TNIK: variants seen among roughly 807,000 people sequenced by gnomAD.
The protein encoded by TNIK is TRAF2 and NCK interacting kinase.
A neutral mutation model predicts 191.3 loss-of-function variants in TNIK; 49 were observed. The observed-to-expected ratio is 0.26, with a 90% confidence interval of 0.20 to 0.32. The LOEUF (loss-of-function observed/expected upper bound fraction) is 0.32. Among genes scored for constraint, TNIK ranks in the 10% least tolerant of loss-of-function variants. TNIK has a pLI of 1.00. For missense variants in TNIK, 1,155 were observed against 1,702.3 expected, an observed-to-expected ratio of 0.68 and a Z score of 5.66; for synonymous variants, 594 against 600.9, an observed-to-expected ratio of 0.99 and a Z score of 0.17.
At chr3:171,224,509 G>C (rs925558492) in intron 3 of TNIK, among the ~76,000 whole-genome samples, 2 of 151,844 alleles carry the variant, frequency 1.3e-5, no homozygotes, top group East Asian at 1.9e-4. Flanking sequence ...CTTCACACTT[G>C]GTGGCCAGAA....
At chr3:171,327,250 A>G (rs1361580711) in intron 2 of TNIK, among the ~76,000 whole-genome samples, 1 of 152,214 alleles carries the variant, frequency 6.6e-6, no homozygotes, top group Non-Finnish European at 1.5e-5. Context: ...AGTATCAGGC[A>G]GACTCAAGTG....
At chr3:171,243,601 A>G (rs1005398136) in intron 2 of TNIK, among the ~76,000 whole-genome samples, 1 of 152,208 alleles carries the variant, frequency 6.6e-6, no homozygotes, top group Non-Finnish European at 1.5e-5. Flanking sequence ...GCTATTATAT[A>G]TAAAGCACTG....
chr3:171,225,455 A>T (rs1371520698), intron 3 of TNIK: 3 of 391,892 alleles, frequency 7.7e-6, no homozygotes, highest in Non-Finnish European at 1.5e-5. Flanking sequence ...GAGTTCCCCA[A>T]GAGAATTAAG....
intron 2 of TNIK, among the ~76,000 whole-genome samples, chr3:171,275,138 A>G (rs763558914): frequency 1.9e-4 from 29 of 152,168 alleles, no homozygotes; most frequent in Non-Finnish European, 3.7e-4. Flanking sequence ...CACACATACA[A>G]AAAGAAATTT....
At chr3:171,432,445 T>C (rs1577917254) in intron 1 of TNIK, among the ~76,000 whole-genome samples, 1 of 152,180 alleles carries the variant, frequency 6.6e-6, no homozygotes, top group East Asian at 1.9e-4. Context: ...AAAACTACAG[T>C]GAGTACTAAG....
At chr3:171,384,976 G>C (rs1388726643) in intron 1 of TNIK, among the ~76,000 whole-genome samples, 1 of 152,188 alleles carries the variant, frequency 6.6e-6, no homozygotes, top group Non-Finnish European at 1.5e-5. Flanking sequence ...TAAAGAGAAT[G>C]AAGGAATTTT....
chr3:171,376,730 C>CAGATAGATAGATAGATGATAGAT (rs1717272862), intron 1 of TNIK, among the ~76,000 whole-genome samples: 16 of 146,682 alleles, frequency 1.1e-4, no homozygotes, highest in African/African-American at 4.2e-4. Context: ...TAAATATATA[C>CAGATAGATAGATAGATGATAGAT]AGATAGATAG....
At chr3:171,239,024 A>T (rs1204163170) in intron 2 of TNIK, among the ~76,000 whole-genome samples, 1 of 152,242 alleles carries the variant, frequency 6.6e-6, no homozygotes. Flanking sequence ...CTAATGAAGT[A>T]TTATTAGGAC....
chr3:171,076,733 A>G (rs61791145), intron 28 of TNIK, among the ~76,000 whole-genome samples: 16,134 of 152,146 alleles, frequency 0.11, 954 homozygotes, highest in Middle Eastern at 0.16. Context: ...TTCCTGCTCC[A>G]TAAAAACAAC....
chr3:171,168,151 C>T (rs549125436), intron 9 of TNIK, among the ~76,000 whole-genome samples: 19 of 152,286 alleles, frequency 1.2e-4, no homozygotes, highest in East Asian at 1.9e-4. Context: ...GGACTTCAGC[C>T]GTGATTCATG....
chr3:171,155,246 A>C (rs1415922562), intron 12 of TNIK, among the ~76,000 whole-genome samples: 1 of 152,258 alleles, frequency 6.6e-6, no homozygotes, highest in Non-Finnish European at 1.5e-5. Context: ...ACCAAAGGCC[A>C]GGGAAGCAGA....
intron 4 of TNIK, among the ~76,000 whole-genome samples, chr3:171,207,219 G>A (rs1740202562): frequency 6.6e-6 from 1 of 152,038 alleles, no homozygotes; most frequent in Non-Finnish European, 1.5e-5. Context: ...GGATCATAAG[G>A]TAGTTCTATT....
intron 12 of TNIK, among the ~76,000 whole-genome samples, chr3:171,140,803 C>T (rs796076945): frequency 1.8e-4 from 28 of 152,082 alleles, no homozygotes; most frequent in African/African-American, 5.1e-4. Context: ...TCAAGTCAGG[C>T]GTAGAAAACA....
At chr3:171,168,372 G>A (rs1273014028) in intron 9 of TNIK, among the ~76,000 whole-genome samples, 2 of 152,158 alleles carry the variant, frequency 1.3e-5, no homozygotes, top group Non-Finnish European at 2.9e-5. Flanking sequence ...TACAGGAGTG[G>A]ATCCCAGGAC....
At chr3:171,337,388 G>A (rs1319282736) in intron 2 of TNIK, among the ~76,000 whole-genome samples, 2 of 152,228 alleles carry the variant, frequency 1.3e-5, no homozygotes, top group African/African-American at 2.4e-5. Context: ...AAAGACCTCA[G>A]ATAAGCAAAG....
chr3:171,085,238 TA>T lies in TNIK; in HGVS notation c.2887-10del. ...CTGCTCCCCATGCCATACTAATCAA[TA>T]AGCAAGAAGATTAAGAAGAGCAGAT... On this transcript the variant is annotated splice_polypyrimidine_tract_variant and intron_variant, in intron 24 of 32. Coordinates refer to ENST00000436636, the MANE Select transcript of TNIK (RefSeq NM_015028.4). 6.3e-7 allele frequency: 1 copy of T among 1,599,530 alleles called. No individual in the cohort carries two copies. Among genetic ancestry groups the T allele is most frequent in the Non-Finnish European group, 8.5e-7 (1 of 1,172,618 alleles).
chr3:171,068,020 A>G (rs961508594), intron 30 of TNIK, among the ~76,000 whole-genome samples: 1 of 152,220 alleles, frequency 6.6e-6, no homozygotes, highest in South Asian at 2.1e-4. Flanking sequence ...AATACCAGTC[A>G]GCGGTAGCTT....
intron 2 of TNIK, among the ~76,000 whole-genome samples, chr3:171,359,267 G>A (rs1185917662): frequency 2.0e-5 from 3 of 152,116 alleles, no homozygotes; most frequent in Non-Finnish European, 4.4e-5. Flanking sequence ...GTATCAACTC[G>A]AAGATGTTAA....
chr3:171,075,783 C>T (rs1719829738), intron 28 of TNIK, among the ~76,000 whole-genome samples: 1 of 150,602 alleles, frequency 6.6e-6, no homozygotes, highest in Admixed American at 6.6e-5. Context: ...GTTGCCCAGG[C>T]TGGAGTGCAG....
Sources: allele counts gnomAD v4.1 joint callset (sites outside exome capture counted in the v4.1 genomes callset), GRCh38; gene constraint gnomAD v4.1.1; transcripts MANE v1.5; gene names NCBI Gene and HGNC (gene_info 2026-07-23, HGNC 2026-07-21).